Variants in ART3 observed in about 807,000 individuals in gnomAD.
ART3 encodes the protein ecto-ADP-ribosyltransferase 3.
In ART3, 49 loss-of-function variants were observed where a neutral mutation model predicts 48.5. That is an observed-to-expected ratio of 1.01 (90% CI 0.80 to 1.28). The LOEUF (loss-of-function observed/expected upper bound fraction) is 1.28. ART3 is among the 50% of genes most tolerant of loss of function. ART3 has a pLI of 0.00. For missense variants in ART3, 438 were observed against 454.3 expected, an observed-to-expected ratio of 0.96 and a Z score of 0.33; for synonymous variants, 145 against 157.2, an observed-to-expected ratio of 0.92 and a Z score of 0.58.
chr4:76,040,560 C>T (rs1734884959), intron 1 of ART3, among the ~76,000 whole-genome samples: 2 of 125,070 alleles, frequency 1.6e-5, no homozygotes, highest in African/African-American at 3.1e-5. Flanking sequence ...TATATAGATA[C>T]TTCAGAAGGA....
chr4:76,093,237 C>T (rs1424640365), intron 3 of ART3, among the ~76,000 whole-genome samples: 1 of 152,116 alleles, frequency 6.6e-6, no homozygotes. Flanking sequence ...GCCTGGGCAA[C>T]ATAGCGAGAC....
intron 1 of ART3, chr4:76,012,123 T>C (rs1731857683): frequency 6.6e-6 from 1 of 152,194 alleles, no homozygotes; most frequent in South Asian, 2.1e-4. Context: ...CCAAAGAACT[T>C]TACAAAGCGG....
intron 1 of ART3, among the ~76,000 whole-genome samples, chr4:76,067,469 T>TA (rs74489210): frequency 3.9e-5 from 6 of 152,124 alleles, no homozygotes; most frequent in South Asian, 2.1e-4. Context: ...CCAAAATCTA[T>TA]AAAAAAACAC....
At chr4:76,099,906 A>G (rs1177820818) in intron 5 of ART3, among the ~76,000 whole-genome samples, 3 of 152,258 alleles carry the variant, frequency 2.0e-5, no homozygotes, top group Admixed American at 1.3e-4. Flanking sequence ...CTGTCCTGAT[A>G]GAAGTGAAGC....
intron 1 of ART3, among the ~76,000 whole-genome samples, chr4:76,060,933 G>C (rs1719157526): frequency 6.6e-6 from 1 of 152,152 alleles, no homozygotes. Context: ...CAAAGAAATT[G>C]ATTCTCTTTT....
Position 76,095,193 on chromosome 4 carries a change from CT to C in ART3, c.782-2449del, listed in dbSNP as rs58281333. 5.6e-3 allele frequency among the ~76,000 whole-genome samples: 858 copies of C among 152,224 alleles called. 5 individuals are homozygous for C. The highest frequency in any genetic ancestry group is 0.02 in the African/African-American group (823 of 41,538). On this transcript the variant is annotated intron_variant, in intron 3 of 11. Coordinates refer to ENST00000355810, the MANE Select transcript of ART3 (RefSeq NM_001130016.3). ...TTTAAATAGGGAGGAGAAATGCAAT[CT>C]TAACAAAATGACTCTGTGTTAAACA...
chr4:76,102,089 A>G (rs73826316), intron 8 of ART3, among the ~76,000 whole-genome samples: 3,162 of 152,334 alleles, frequency 0.021, 105 homozygotes, highest in African/African-American at 0.071. Context: ...ATAAGCATTC[A>G]TTGAGCTGAG....
rs180905326 is a variant in ART3 at position 76,076,556 on chromosome 4, A to G, written c.69+598A>G. Among the ~76,000 whole-genome samples, 9 of 152,282 alleles carry G rather than the reference A, an allele frequency of 5.9e-5. No homozygotes were observed. In the East Asian group the frequency reaches 1.5e-3, roughly 26 times the overall value. On this transcript the variant is annotated intron_variant, in intron 2 of 11. Transcript: ENST00000355810. The stretch of plus-strand genomic sequence containing the variant: ...TATACAGGCTTCTTGGCTTTTTTCT[A>G]TGTGTATACTGTTTTTAATTTACAA...
chr4:76,064,788 C>A (rs1719554713), intron 1 of ART3, among the ~76,000 whole-genome samples: 1 of 151,344 alleles, frequency 6.6e-6, no homozygotes, highest in East Asian at 1.9e-4. Flanking sequence ...AATATTGCTT[C>A]AATTATCAGT....
At chr4:76,072,260 AT>A (rs981560429), upstream of ART3, among the ~76,000 whole-genome samples, 23 of 152,336 alleles carry the variant, frequency 1.5e-4, no homozygotes, top group African/African-American at 4.3e-4. Context: ...GAGTTATTAC[AT>A]TTTTGAAAAT....
At chr4:76,108,402 T>A (rs2109800543) in intron 11 of ART3, among the ~76,000 whole-genome samples, 1 of 152,278 alleles carries the variant, frequency 6.6e-6, no homozygotes, top group South Asian at 2.1e-4. Context: ...TGCTTTAGGT[T>A]CTGAGTTTGA....
chr4:76,107,700 C>A, intron 10 of ART3, 61 bp from the exon 11 acceptor site: 1 of 1,197,838 alleles, frequency 8.3e-7, no homozygotes, highest in African/African-American at 1.6e-5. Context: ...TTAATCAGAT[C>A]TTTCTTTTCT....
intron 1 of ART3, chr4:76,035,176 A>G: frequency 2.5e-6 from 4 of 1,613,884 alleles, no homozygotes; most frequent in Non-Finnish European, 2.5e-6. Context: ...TAAACAAAAA[A>G]GCCTGCACCA....
intron 1 of ART3, among the ~76,000 whole-genome samples, chr4:76,055,694 G>T (rs1305840133): frequency 6.6e-6 from 1 of 151,722 alleles, no homozygotes; most frequent in African/African-American, 2.4e-5. Flanking sequence ...GAGGGTCCTG[G>T]TGAGAAAGCA....
In ART3 at chr4:76,097,692, A is replaced by G. The variant is rs1190119141; in HGVS notation, c.814+16A>G. On this transcript the variant is annotated intron_variant, in intron 4 of 11. Transcript: ENST00000355810. The stretch of plus-strand genomic sequence containing the variant: ...GAGAACCTAGGTAAGATAGCTTTAA[A>G]GTCTTATCCCTATAATAGGAATTTT... 1 of 1,597,532 alleles carries G rather than the reference A, an allele frequency of 6.3e-7. No individual in the cohort carries two copies. The highest frequency in any genetic ancestry group is 1.1e-5 in the South Asian group (1 of 90,522).
chr4:76,041,277 T>C (rs1466830001), intron 1 of ART3: 1 of 152,222 alleles, frequency 6.6e-6, no homozygotes, highest in Non-Finnish European at 1.5e-5. Context: ...GAAGATTACC[T>C]TCTTTCACAG....
chr4:76,096,481 G>A (rs772415135), intron 3 of ART3, among the ~76,000 whole-genome samples: 1 of 152,174 alleles, frequency 6.6e-6, no homozygotes, highest in African/African-American at 2.4e-5. Context: ...AGGTAAAGAG[G>A]CTCCTCCTCA....
At chr4:76,037,440 TA>T (rs1734539885) in intron 1 of ART3, among the ~76,000 whole-genome samples, 1 of 152,180 alleles carries the variant, frequency 6.6e-6, no homozygotes, top group African/African-American at 2.4e-5. Flanking sequence ...TTTCTAACTT[TA>T]AATATATTTT....
At chr4:76,073,242 A>C (rs577199898), upstream of ART3, among the ~76,000 whole-genome samples, 3 of 152,368 alleles carry the variant, frequency 2.0e-5, no homozygotes, top group African/African-American at 7.2e-5. Context: ...AAACTGGAAC[A>C]AAACAGGAAT....
Sources: allele counts gnomAD v4.1 joint callset (sites outside exome capture counted in the v4.1 genomes callset), GRCh38; gene constraint gnomAD v4.1.1; transcripts MANE v1.5; gene names NCBI Gene and HGNC (gene_info 2026-07-23, HGNC 2026-07-21).